DAW1: variants seen among roughly 807,000 people sequenced by gnomAD.
DAW1 encodes the protein dynein assembly factor with WD repeat domains 1.
Under a neutral mutation model 56.5 loss-of-function variants are expected in DAW1, and 47 were observed. The ratio of observed to expected loss-of-function variants is 0.83; its 90% CI spans 0.66 to 1.06. The LOEUF is 1.06. DAW1 is among the 50% of genes least tolerant of loss of function. DAW1 has a pLI of 0.00. For missense variants in DAW1, 505 were observed against 499.3 expected (o/e 1.01, Z -0.11); for synonymous variants, 190 against 179.0 (o/e 1.06, Z -0.49).
At chr2:227,901,839 CAT>C (rs1026941644) in intron 6 of DAW1, among the ~76,000 whole-genome samples, 3 of 152,108 alleles carry the variant, frequency 2.0e-5, no homozygotes, top group African/African-American at 7.2e-5. Flanking sequence ...TTTACTCAAA[CAT>C]ATTTACAGGC....
chr2:227,877,011 C>T (rs1361345059), intron 1 of DAW1, among the ~76,000 whole-genome samples: 1 of 152,264 alleles, frequency 6.6e-6, no homozygotes, highest in Non-Finnish European at 1.5e-5. Flanking sequence ...TCATTTGAAG[C>T]ATGCCCTTTT....
intron 11 of DAW1, among the ~76,000 whole-genome samples, chr2:227,920,027 G>A (rs1216191184): frequency 6.6e-6 from 1 of 152,152 alleles, no homozygotes; most frequent in Non-Finnish European, 1.5e-5. Flanking sequence ...GATGGCAGGA[G>A]GGGATGGAAA....
intron 1 of DAW1, among the ~76,000 whole-genome samples, chr2:227,874,509 G>C (rs1320258575): frequency 3.3e-5 from 5 of 152,144 alleles, no homozygotes; most frequent in African/African-American, 1.2e-4. Context: ...TGCCTGCCTT[G>C]ACCTGACAGC....
At chr2:227,879,408 C>A (rs1690957705) in intron 1 of DAW1, among the ~76,000 whole-genome samples, 1 of 151,942 alleles carries the variant, frequency 6.6e-6, no homozygotes, top group Admixed American at 6.6e-5. Context: ...GTCCAATTTT[C>A]TTTTTAAAAA....
At chr2:227,897,025 G>T (rs947039116) in intron 5 of DAW1, among the ~76,000 whole-genome samples, 1 of 150,946 alleles carries the variant, frequency 6.6e-6, no homozygotes, top group African/African-American at 2.4e-5. Context: ...GGTTGAGGTT[G>T]CAGTGAGCTG....
chr2:227,887,909 T>C (rs1691169572), intron 2 of DAW1, among the ~76,000 whole-genome samples: 1 of 152,256 alleles, frequency 6.6e-6, no homozygotes, highest in Admixed American at 6.5e-5. Context: ...ATGAAAATCC[T>C]ACAGGGTTGG....
chr2:227,899,059 C>T (rs1205969828), intron 6 of DAW1, among the ~76,000 whole-genome samples: 2 of 152,162 alleles, frequency 1.3e-5, no homozygotes, highest in African/African-American at 4.8e-5. Flanking sequence ...TTGGGAAGCC[C>T]TTGTCCTTGA....
Position 227,924,249 on chromosome 2 carries a change from GA to G in DAW1, c.*286del. 6 of 426,136 alleles carry G rather than the reference GA, an allele frequency of 1.4e-5. No individual in the cohort carries two copies. Among genetic ancestry groups the G allele is most frequent in the Middle Eastern group, 6.3e-4 (1 of 1,580 alleles). The allele number at this position is 426,136 out of a possible 1,614,324, so 26.4% of individuals were successfully genotyped here. A position where few individuals can be genotyped will look rare whatever the true frequency, so the allele number is the denominator to read the frequency against. ...TGTTTTTTAAAAGCATTATGATACT[GA>G]AAAAGGAGACCAGAACAACTTAACA... On this transcript the variant is annotated 3_prime_UTR_variant, in exon 13 of 13. Coordinates refer to ENST00000309931, the MANE Select transcript of DAW1 (RefSeq NM_178821.3).
At chr2:227,898,745 A>G (rs994499354) in intron 6 of DAW1, among the ~76,000 whole-genome samples, 8 of 152,178 alleles carry the variant, frequency 5.3e-5, no homozygotes, top group African/African-American at 1.9e-4. Context: ...ATATGGTGGT[A>G]CCAATACAAT....
chr2:227,912,592 T>G, intron 10 of DAW1: 2 of 1,173,204 alleles, frequency 1.7e-6, no homozygotes, highest in South Asian at 3.1e-5. Context: ...GTCATCTCAG[T>G]GATGACCGCC....
intron 5 of DAW1, among the ~76,000 whole-genome samples, chr2:227,896,593 A>AGTGT (rs5839240): frequency 0.065 from 9,348 of 143,584 alleles, 343 homozygotes; most frequent in Middle Eastern, 0.11. Context: ...AATAAGAGGG[A>AGTGT]GTGTGTGTGT....
intron 8 of DAW1, 100 bp downstream of exon 8, chr2:227,905,135 T>A (rs759769832): frequency 5.7e-5 from 48 of 843,636 alleles, no homozygotes; most frequent in Non-Finnish European, 7.5e-5. Flanking sequence ...AACTCTGCTT[T>A]GGATTCCATA....
At chr2:227,920,537 G>A (rs1296693385) in intron 11 of DAW1, among the ~76,000 whole-genome samples, 4 of 152,144 alleles carry the variant, frequency 2.6e-5, no homozygotes, top group Admixed American at 6.5e-5. Context: ...GCACAGAAGC[G>A]TATTTATGGA....
At chr2:227,882,354 T>C (rs1691030133) in intron 1 of DAW1, among the ~76,000 whole-genome samples, 1 of 152,180 alleles carries the variant, frequency 6.6e-6, no homozygotes, top group Admixed American at 6.5e-5. Context: ...TGCTGGTGCC[T>C]TACTACAAAT....
intron 1 of DAW1, chr2:227,872,281 A>G (rs1690771259): frequency 6.9e-6 from 1 of 144,012 alleles, no homozygotes; most frequent in African/African-American, 2.6e-5. Flanking sequence ...TCTGCAAAAA[A>G]AAAAAAAAAA....
At chr2:227,875,156 ACTCTTCCTTGTCTCTCT>A (rs1690850751) in intron 1 of DAW1, among the ~76,000 whole-genome samples, 2 of 151,754 alleles carry the variant, frequency 1.3e-5, no homozygotes, top group African/African-American at 4.8e-5. Flanking sequence ...AACATTTTGG[ACTCTTCCTTGTCTCTCT>A]CTCATCTCCA....
intron 5 of DAW1, among the ~76,000 whole-genome samples, chr2:227,894,630 A>C (rs570170313): frequency 6.6e-6 from 1 of 152,202 alleles, no homozygotes; most frequent in Non-Finnish European, 1.5e-5. Flanking sequence ...GTTAATTTAC[A>C]GTCTTGCCAG....
chr2:227,907,380 A>T, intron 10 of DAW1, 128 bp downstream of exon 10: 1 of 690,312 alleles, frequency 1.4e-6, no homozygotes, highest in Non-Finnish European at 2.4e-6. Flanking sequence ...TCTCATCTCT[A>T]TCGTGACCAT....
At chr2:227,922,027 C>T (rs1447161823) in intron 12 of DAW1, among the ~76,000 whole-genome samples, 1 of 152,182 alleles carries the variant, frequency 6.6e-6, no homozygotes, top group Non-Finnish European at 1.5e-5. Context: ...GTGGCGTACA[C>T]CTGTAGTCCC....
Sources: gnomAD v4.1 joint callset for allele counts (sites outside exome capture counted in the v4.1 genomes callset) on GRCh38, gnomAD v4.1.1 for gene constraint, MANE v1.5 for transcripts, NCBI Gene and HGNC (gene_info 2026-07-23, HGNC 2026-07-21) for gene names.